MAX: variants seen among roughly 807,000 people sequenced by gnomAD.
MAX encodes the protein MYC associated transcriptional regulator X, also known as protein max.
MAX carries 3 observed loss-of-function variants against 22.3 expected under a neutral mutation model. The ratio of observed to expected loss-of-function variants is 0.13; its 90% CI spans 0.06 to 0.35. The LOEUF is 0.35. Among genes scored for constraint, MAX ranks in the 10% least tolerant of loss-of-function variants. The pLI is 1.00. For missense variants in MAX, 119 were observed against 209.4 expected, an observed-to-expected ratio of 0.57 and a Z score of 2.66; for synonymous variants, 72 against 77.7, an observed-to-expected ratio of 0.93 and a Z score of 0.39.
Position 65,009,166 on chromosome 14 carries a change from G to T in MAX, c.172-2882C>A, listed in dbSNP as rs1595009033. ...AGTTGAGAATGAAGGACCGGTGAGGGTATTAGTCAGCTTGGGCTGCCATAA... is the reference window on the plus strand; with the variant it reads ...AGTTGAGAATGAAGGACCGGTGAGGTTATTAGTCAGCTTGGGCTGCCATAA... On this transcript the variant is annotated intron_variant, in intron 3 of 3. Coordinates refer to the MAX transcript ENST00000341653. The surrounding 1 kb of genome is among the most constrained non-coding windows in gnomAD (Gnocchi z 4.2). Among the ~76,000 whole-genome samples, 1 of 152,144 alleles carries T rather than the reference G, an allele frequency of 6.6e-6. No individual in the cohort carries two copies.
chr14:65,032,618 A>G lies in MAX; in HGVS notation c.172-26334T>C. 1 of 1,613,724 alleles carries G rather than the reference A, an allele frequency of 6.2e-7. No homozygotes were observed. On this transcript the variant is annotated intron_variant, in intron 3 of 3. Transcript: ENST00000341653. This position sits in a 1 kb window ranked among gnomAD's most constrained non-coding sequence, Gnocchi z 5.0. ...CGTTTCTGTCTTTCCAGAAGCGCAT[A>G]CTGTGCTGCCTCCGTAGCCTCGCTG...
At position 65,054,278 on chromosome 14, in the gene MAX, A is replaced by G. The variant is rs2062678482; in HGVS notation, c.171+39430T>C. 6.6e-6 allele frequency among the ~76,000 whole-genome samples: 1 copy of G among 151,906 alleles called. No homozygotes were observed. Among genetic ancestry groups the G allele is most frequent in the African/African-American group, 2.4e-5 (1 of 41,362 alleles). ...CAGGCATCGGCCACCACACCTAGCT[A>G]ATTTTTAATTTTTTGTAGAGACGGG... On this transcript the variant is annotated intron_variant, in intron 3 of 3. Transcript: ENST00000341653. This position sits in a 1 kb window ranked among gnomAD's most constrained non-coding sequence, Gnocchi z 4.4.
chr14:65,069,715 G>A lies in MAX; in HGVS notation c.171+23993C>T, dbSNP rs1271792698. Among the ~76,000 whole-genome samples, 1 of 152,212 alleles carries A rather than the reference G, an allele frequency of 6.6e-6. No homozygotes were observed. Among genetic ancestry groups the A allele is most frequent in the Non-Finnish European group, 1.5e-5 (1 of 68,036 alleles). ...CCACCACAAGCCAAGCACAGTGCTA[G>A]GAGTCCAGTAACAAGTGCACAGACC... On this transcript the variant is annotated intron_variant, in intron 3 of 3. Coordinates refer to the MAX transcript ENST00000341653. The surrounding 1 kb of genome is among the most constrained non-coding windows in gnomAD (Gnocchi z 4.6).
rs1173440505 is a variant in MAX, at chr14:65,009,272, G to T, written c.172-2988C>A. Among the ~76,000 whole-genome samples, 1 of 152,068 alleles carries T rather than the reference G, an allele frequency of 6.6e-6. No individual in the cohort carries two copies. The highest frequency in any genetic ancestry group is 1.5e-5 in the Non-Finnish European group (1 of 68,022). ...TGGAGGCCAGAAGTCTAAGACCAAG[G>T]TGTCAGCAGGCTTGGTTTCTCCTGA... On this transcript the variant is annotated intron_variant, in intron 3 of 3. Transcript: ENST00000341653. This position sits in a 1 kb window ranked among gnomAD's most constrained non-coding sequence, Gnocchi z 4.2.
intron 3 of MAX, among the ~76,000 whole-genome samples, chr14:65,050,955 G>A (rs1029444048): frequency 1.3e-5 from 2 of 152,220 alleles, no homozygotes; most frequent in African/African-American, 4.8e-5. Context: ...AGTAAAAGAA[G>A]ATAGAGTGAA....
chr14:65,055,866 A>G (rs2062724884), intron 3 of MAX, among the ~76,000 whole-genome samples: 2 of 152,164 alleles, frequency 1.3e-5, no homozygotes, highest in South Asian at 2.1e-4. Context: ...AAGAAACACA[A>G]ATGGCCAATA....
At position 65,077,760 on chromosome 14, in the gene MAX, T is replaced by C. The variant is rs1431007962; in HGVS notation, c.295+153A>G. On this transcript the variant is annotated intron_variant, in intron 4 of 4. Transcript: ENST00000358664. This position sits in a 1 kb window ranked among gnomAD's most constrained non-coding sequence, Gnocchi z 6.3. ...CTCAGGTCCTTCCTCAGGACGGCTCTAACACTCAGTTACTCAGGCCCCAAG... is the reference window on the plus strand; with the variant it reads ...CTCAGGTCCTTCCTCAGGACGGCTCCAACACTCAGTTACTCAGGCCCCAAG... 1.9e-6 allele frequency: 3 copies of C among 1,612,614 alleles called. No homozygotes were observed. The highest frequency in any genetic ancestry group is 1.3e-5 in the African/African-American group (1 of 74,896).
At chr14:65,024,222 G>C (rs1392715132) in intron 3 of MAX, among the ~76,000 whole-genome samples, 2 of 152,158 alleles carry the variant, frequency 1.3e-5, no homozygotes, top group Non-Finnish European at 2.9e-5. Flanking sequence ...CTGATACCTG[G>C]CTGAACATTG....
Position 65,076,806 on chromosome 14 carries a change from C to A in MAX, c.296-143G>T. The A allele has an allele frequency of 1.1e-6, 1 of 894,192 alleles. No individual in the cohort carries two copies. The allele number at this position is 894,192 out of a possible 1,614,324, so 55.4% of individuals were successfully genotyped here. On this transcript the variant is annotated intron_variant, in intron 4 of 4. Transcript: ENST00000358664. This position sits in a 1 kb window ranked among gnomAD's most constrained non-coding sequence, Gnocchi z 6.6. ...CAAGATGCTCAGAAGTAGCTCCCTTCGGGTGGCTGTTCACTCACACACTTC... is the reference window on the plus strand; with the variant it reads ...CAAGATGCTCAGAAGTAGCTCCCTTAGGGTGGCTGTTCACTCACACACTTC...
Position 65,027,587 on chromosome 14 carries a change from A to T in MAX, c.172-21303T>A. ...ATCATTGGCACCGAGGAGGCCTATG[A>T]CATCATTAACAGGTACAGTGAAAGC... On this transcript the variant is annotated intron_variant, in intron 3 of 3. Coordinates refer to the MAX transcript ENST00000341653. The surrounding 1 kb of genome is among the most constrained non-coding windows in gnomAD (Gnocchi z 5.7). 6.2e-7 allele frequency: 1 copy of T among 1,614,212 alleles called. No homozygotes were observed. Among genetic ancestry groups the T allele is most frequent in the Non-Finnish European group, 8.5e-7 (1 of 1,180,026 alleles).
At chr14:65,099,911 G>C (rs111502751) in intron 2 of MAX, among the ~76,000 whole-genome samples, 2 of 152,276 alleles carry the variant, frequency 1.3e-5, no homozygotes, top group African/African-American at 4.8e-5. Context: ...GGAAATATCA[G>C]CTCTCAATAA....
chr14:65,093,756 G>A lies in MAX; in HGVS notation c.123C>T (p.Asp41=), dbSNP rs1555343162. 1 of 1,612,716 alleles carries A rather than the reference G, an allele frequency of 6.2e-7. No individual in the cohort carries two copies. Among genetic ancestry groups the A allele is most frequent in the Non-Finnish European group, 8.5e-7 (1 of 1,178,682 alleles). The change falls in exon 3 of 5, where the codon GAC becomes GAT. Residue 41 remains aspartate, a synonymous_variant. Transcript: ENST00000358664. This position sits in a 1 kb window ranked among gnomAD's most constrained non-coding sequence, Gnocchi z 4.4. ...LERKRRDHIK[D]SFHSLRDSVP... is the part of the protein sequence containing the mutation. ...CTGAGTCCCGCAAACTGTGAAAGCT[G>A]TCTTTGATGTGGTCCCTACGTTTTC...
chr14:65,022,251 G>A (rs990160529), intron 3 of MAX: 3 of 296,932 alleles, frequency 1.0e-5, no homozygotes, highest in Non-Finnish European at 2.0e-5. Context: ...ATGGATGACT[G>A]TTCCTATTTC....
Position 65,077,579 on chromosome 14 carries a change from C to A in MAX, c.295+334G>T. On this transcript the variant is annotated intron_variant, in intron 4 of 4. Coordinates refer to ENST00000358664, the MANE Select transcript of MAX (RefSeq NM_002382.5). This position sits in a 1 kb window ranked among gnomAD's most constrained non-coding sequence, Gnocchi z 6.3. Reference sequence around the variant, plus strand: ...GGTACTTACACAGCACATTCCACTCCAAGGACCTCAAAGCTCTTTTCAGAC... The same window carrying A: ...GGTACTTACACAGCACATTCCACTCAAAGGACCTCAAAGCTCTTTTCAGAC... 1.1e-6 allele frequency: 1 copy of A among 938,670 alleles called. No individual in the cohort carries two copies. Among genetic ancestry groups the A allele is most frequent in the Non-Finnish European group, 1.7e-6 (1 of 580,296 alleles). 58.1% of individuals were successfully genotyped at this position (938,670 alleles called of 1,614,324 possible).
intron 3 of MAX, among the ~76,000 whole-genome samples, chr14:65,056,462 G>C (rs1272674595): frequency 1.3e-5 from 2 of 152,188 alleles, no homozygotes; most frequent in African/African-American, 2.4e-5. Context: ...CTCTGTAACT[G>C]CTCCCCAGTG....
chr14:65,087,940 G>C (rs2063385138), intron 3 of MAX, among the ~76,000 whole-genome samples: 1 of 152,140 alleles, frequency 6.6e-6, no homozygotes, highest in African/African-American at 2.4e-5. Context: ...TCTTTCCCAT[G>C]CTGTTCTCGT....
chr14:65,097,917 G>A (rs2063715629), intron 2 of MAX, among the ~76,000 whole-genome samples: 1 of 152,136 alleles, frequency 6.6e-6, no homozygotes, highest in African/African-American at 2.4e-5. Flanking sequence ...CTGATTGCCT[G>A]GTATACATTT....
intron 3 of MAX, among the ~76,000 whole-genome samples, chr14:65,092,762 G>T (rs539944080): frequency 6.6e-6 from 1 of 152,154 alleles, no homozygotes; most frequent in East Asian, 1.9e-4. Flanking sequence ...AAAGCATAAG[G>T]GTTCCAAATT....
rs1270864513 is a variant in MAX at position 65,077,241 on chromosome 14, T to C, written c.296-578A>G. On this transcript the variant is annotated intron_variant, in intron 4 of 4. Coordinates refer to ENST00000358664, the MANE Select transcript of MAX (RefSeq NM_002382.5). This position sits in a 1 kb window ranked among gnomAD's most constrained non-coding sequence, Gnocchi z 6.3. ...TAACCAACCCACTGACACCACCCAC[T>C]GCCCATCCCTTGGTTCAGCTCAGCT... 1 of 856,686 alleles carries C rather than the reference T, an allele frequency of 1.2e-6. No homozygotes were observed. The highest frequency in any genetic ancestry group is 1.9e-6 in the Non-Finnish European group (1 of 521,938). The allele number at this position is 856,686 out of a possible 1,614,324, so 53.1% of individuals were successfully genotyped here. A position where few individuals can be genotyped will look rare whatever the true frequency, so the allele number is the denominator to read the frequency against.
Sources: gnomAD v4.1 joint callset for allele counts (sites outside exome capture counted in the v4.1 genomes callset) on GRCh38, gnomAD v4.1.1 for gene constraint, Gnocchi (gnomAD v3.1) non-coding constraint, MANE v1.5 for transcripts, NCBI Gene and HGNC (gene_info 2026-07-23, HGNC 2026-07-21) for gene names.